SUPT3H: variants seen among roughly 807,000 people sequenced by gnomAD.
SUPT3H encodes transcription initiation protein SPT3 homolog.
Under a neutral mutation model 44.3 loss-of-function variants are expected in SUPT3H, and 44 were observed. That is an observed-to-expected ratio of 0.99 (90% CI 0.78 to 1.28). The LOEUF is 1.28. SUPT3H is among the 50% of genes most tolerant of loss of function. The pLI is 0.00. For synonymous variants in SUPT3H, 124 were observed against 125.6 expected (o/e 0.99, Z 0.09); for missense variants, 380 against 387.1 (o/e 0.98, Z 0.15).
At chr6:45,207,944 A>G (rs1427588434) in intron 2 of SUPT3H, among the ~76,000 whole-genome samples, 1 of 152,184 alleles carries the variant, frequency 6.6e-6, no homozygotes, top group Admixed American at 6.5e-5. Flanking sequence ...TACTTCTTCT[A>G]CTTTAAATAA....
intron 2 of SUPT3H, among the ~76,000 whole-genome samples, chr6:45,196,513 T>C (rs751065920): frequency 2.6e-5 from 4 of 152,042 alleles, no homozygotes; most frequent in Non-Finnish European, 5.9e-5. Context: ...ACTTATATTT[T>C]CACTAACTGA....
intron 2 of SUPT3H, among the ~76,000 whole-genome samples, chr6:45,271,841 CAG>C (rs1366511894): frequency 6.6e-6 from 1 of 152,126 alleles, no homozygotes; most frequent in Non-Finnish European, 1.5e-5. Context: ...ACCCTGCAAA[CAG>C]AGGGGCAAAG....
chr6:44,879,425 G>A (rs1452710156), intron 10 of SUPT3H, among the ~76,000 whole-genome samples: 6 of 152,238 alleles, frequency 3.9e-5, no homozygotes, highest in African/African-American at 1.4e-4. Flanking sequence ...AGCAGCCCCA[G>A]TCAGGGGCTT....
Position 45,360,676 on chromosome 6 carries a change from T to C in SUPT3H, c.101+4525A>G, listed in dbSNP as rs116230046. 9.4e-3 allele frequency among the ~76,000 whole-genome samples: 1,426 copies of C among 152,312 alleles called. 22 individuals are homozygous for C. The highest frequency in any genetic ancestry group is 0.032 in the African/African-American group (1,349 of 41,574). On this transcript the variant is annotated intron_variant, in intron 2 of 10. Transcript: ENST00000371459. ...CACTGCAGCAATGAATAAATGGTCATTGCTATTTATCCCAAACACTCTCAG... is the reference window on the plus strand; with the variant it reads ...CACTGCAGCAATGAATAAATGGTCACTGCTATTTATCCCAAACACTCTCAG...
At chr6:45,345,855 G>A (rs888793305) in intron 2 of SUPT3H, among the ~76,000 whole-genome samples, 1 of 152,072 alleles carries the variant, frequency 6.6e-6, no homozygotes, top group African/African-American at 2.4e-5. Context: ...TACTAATCAT[G>A]TTTTATCTGT....
chr6:45,331,258 A>C (rs564701777), intron 2 of SUPT3H, among the ~76,000 whole-genome samples: 67 of 152,188 alleles, frequency 4.4e-4, no homozygotes, highest in Non-Finnish European at 9.6e-4. Flanking sequence ...TCATAAATAT[A>C]GCTTGCTGAA....
chr6:44,852,869 C>T (rs981465026), intron 10 of SUPT3H, among the ~76,000 whole-genome samples: 15 of 152,296 alleles, frequency 9.8e-5, no homozygotes, highest in African/African-American at 2.2e-4. Flanking sequence ...AAAAGGTGTA[C>T]GTACAGTATT....
downstream of SUPT3H, among the ~76,000 whole-genome samples, chr6:44,826,538 G>C (rs548852934): frequency 2.0e-5 from 3 of 152,202 alleles, no homozygotes; most frequent in Non-Finnish European, 4.4e-5. Context: ...GTTGATGGTA[G>C]AATTTTAAAT....
intron 10 of SUPT3H, among the ~76,000 whole-genome samples, chr6:44,885,576 T>C (rs1430278819): frequency 1.3e-5 from 2 of 152,084 alleles, no homozygotes; most frequent in African/African-American, 4.8e-5. Context: ...GAAGGAAAAC[T>C]AACAAACAGA....
chr6:45,149,073 T>A (rs867166103), intron 2 of SUPT3H, among the ~76,000 whole-genome samples: 1 of 152,208 alleles, frequency 6.6e-6, no homozygotes, highest in Non-Finnish European at 1.5e-5. Context: ...GTGTGAACTG[T>A]TGGGATTACT....
chr6:45,195,095 C>T (rs914720422), intron 2 of SUPT3H, among the ~76,000 whole-genome samples: 4 of 151,746 alleles, frequency 2.6e-5, no homozygotes, highest in African/African-American at 4.8e-5. Flanking sequence ...TGAATTGGCA[C>T]AAAAAATTGG....
At chr6:44,962,550 A>G (rs545069438) in intron 6 of SUPT3H, among the ~76,000 whole-genome samples, 98 of 143,320 alleles carry the variant, frequency 6.8e-4, no homozygotes, top group Non-Finnish European at 1.3e-3. Flanking sequence ...ATTTCTGCCC[A>G]GCGAAGAAAA....
chr6:44,820,452 G>A (rs1244619371), intron 11 of SUPT3H, among the ~76,000 whole-genome samples: 1 of 152,190 alleles, frequency 6.6e-6, no homozygotes, highest in Non-Finnish European at 1.5e-5. Flanking sequence ...GTTGAGATAT[G>A]AAGATGACGA....
intron 11 of SUPT3H, among the ~76,000 whole-genome samples, chr6:44,814,390 C>T (rs1449705632): frequency 6.6e-6 from 1 of 152,048 alleles, no homozygotes; most frequent in African/African-American, 2.4e-5. Flanking sequence ...GCAGGTGTCC[C>T]TGAGAATCCA....
At chr6:45,114,552 T>C (rs541971534) in intron 2 of SUPT3H, among the ~76,000 whole-genome samples, 7 of 152,282 alleles carry the variant, frequency 4.6e-5, no homozygotes, top group African/African-American at 1.7e-4. Context: ...TAAATATTTA[T>C]AAGAAAGCTC....
intron 2 of SUPT3H, among the ~76,000 whole-genome samples, chr6:45,134,550 C>T (rs898935059): frequency 1.3e-5 from 2 of 152,128 alleles, no homozygotes; most frequent in African/African-American, 4.8e-5. Flanking sequence ...AGACTCAAGG[C>T]ATGATACATA....
Position 45,003,751 on chromosome 6 carries a change from TC to T in SUPT3H, c.405del (p.Ile136LeufsTer16). Reference sequence around the variant, plus strand: ...ATAGAGTTGAGGAAGTCCTGAGCAATCTTTTGTCTTTTGTTCGCATTATTGC... The same window carrying T: ...ATAGAGTTGAGGAAGTCCTGAGCAATTTTTGTCTTTTGTTCGCATTATTGC... ...SGSNNANKRQ[K>X]IAQDFLNSID... On this transcript the variant is annotated frameshift_variant, in exon 6 of 11. Transcript: ENST00000371459. LOFTEE classifies it high-confidence loss of function. 3.7e-6 allele frequency: 6 copies of T among 1,613,790 alleles called. No homozygotes were observed. The highest frequency in any genetic ancestry group is 5.1e-6 in the Non-Finnish European group (6 of 1,179,838).
At chr6:44,864,689 G>A (rs1490580898) in intron 10 of SUPT3H, among the ~76,000 whole-genome samples, 1 of 152,150 alleles carries the variant, frequency 6.6e-6, no homozygotes, top group Admixed American at 6.5e-5. Flanking sequence ...GGAGTGACTG[G>A]GACACAGGGC....
chr6:45,127,210 A>C (rs1802577398), intron 2 of SUPT3H, among the ~76,000 whole-genome samples: 1 of 152,140 alleles, frequency 6.6e-6, no homozygotes, highest in Non-Finnish European at 1.5e-5. Context: ...GCTACTCAGG[A>C]GGCTGAGGCA....
Sources: gnomAD v4.1 joint callset for allele counts (sites outside exome capture counted in the v4.1 genomes callset) on GRCh38, gnomAD v4.1.1 for gene constraint, MANE v1.5 for transcripts, NCBI Gene and HGNC (gene_info 2026-07-23, HGNC 2026-07-21) for gene names.